MTUS2: variants seen among roughly 807,000 people sequenced by gnomAD.
MTUS2 encodes the protein microtubule associated scaffold protein 2, also known as microtubule-associated tumor suppressor candidate 2.
In MTUS2, 40 loss-of-function variants were observed where a neutral mutation model predicts 114.1. That is an observed-to-expected ratio of 0.35 (90% confidence interval 0.27 to 0.46). The LOEUF (loss-of-function observed/expected upper bound fraction) is 0.46, where lower values mean the gene tolerates loss of function less well. Ranked by LOEUF, MTUS2 falls within the 20% of genes least tolerant of loss-of-function variation. The probability of loss-of-function intolerance (pLI) is 1.00; values close to 1 mark genes in which losing one functional copy is unlikely to be tolerated. For synonymous variants in MTUS2, 688 were observed against 672.0 expected (o/e 1.02, Z -0.37); for missense variants, 1,679 against 1,705.4 (o/e 0.98, Z 0.27).
At chr13:29,077,203 G>A (rs1386695506) in intron 4 of MTUS2, among the ~76,000 whole-genome samples, 1 of 152,114 alleles carries the variant, frequency 6.6e-6, no homozygotes, top group Non-Finnish European at 1.5e-5. Flanking sequence ...ATACTACAGA[G>A]TTGTGTTTAA....
chr13:29,083,598 G>A (rs964444429), intron 4 of MTUS2, among the ~76,000 whole-genome samples: 2 of 152,138 alleles, frequency 1.3e-5, no homozygotes, highest in Admixed American at 6.5e-5. Context: ...GGCCTTACTG[G>A]GTAGCACTAT....
At chr13:29,152,715 CAG>C (rs1157341794) in intron 5 of MTUS2, among the ~76,000 whole-genome samples, 1 of 152,056 alleles carries the variant, frequency 6.6e-6, no homozygotes, top group Non-Finnish European at 1.5e-5. Flanking sequence ...AGAGAGAAAT[CAG>C]AGAGAGAGGG....
At chr13:29,427,709 A>G (rs567947305) in intron 8 of MTUS2, among the ~76,000 whole-genome samples, 2 of 152,214 alleles carry the variant, frequency 1.3e-5, no homozygotes, top group African/African-American at 2.4e-5. Flanking sequence ...CAGTTAAGTT[A>G]GTAAAATCAT....
intron 8 of MTUS2, among the ~76,000 whole-genome samples, chr13:29,416,823 A>AGGTTT (rs74276331): frequency 0.47 from 70,508 of 150,954 alleles, 18,995 homozygotes; most frequent in East Asian, 0.7. Flanking sequence ...TTTTGCCTAG[A>AGGTTT]GGTTTTGTTT....
chr13:29,293,317 A>G (rs916662189), intron 6 of MTUS2, among the ~76,000 whole-genome samples: 1 of 152,170 alleles, frequency 6.6e-6, no homozygotes, highest in African/African-American at 2.4e-5. Context: ...TAGAAGTACA[A>G]AGTGGTCAAT....
intron 2 of MTUS2, among the ~76,000 whole-genome samples, chr13:28,900,225 A>G (rs1272881777): frequency 6.6e-6 from 1 of 152,214 alleles, no homozygotes; most frequent in Non-Finnish European, 1.5e-5. Context: ...TTCTTTTAAC[A>G]ACGATTACAA....
In MTUS2 at chr13:29,025,345, C is replaced by T; in HGVS notation, c.647C>T (p.Pro216Leu). 1 of 1,613,736 alleles carries T rather than the reference C, an allele frequency of 6.2e-7. No individual in the cohort carries two copies. Among genetic ancestry groups the T allele is most frequent in the Non-Finnish European group, 8.5e-7 (1 of 1,179,856 alleles). Residue 216 changes from proline (P) to leucine (L), a missense_variant, in exon 3 of 16, where the codon CCA becomes CTA. Pro to Leu is a moderately conservative substitution (Grantham distance 98). Around this residue, in one of 3 missense-constraint regions of MTUS2, gnomAD observed 843 missense variants for 770.8 expected, o/e 1.09. Coordinates refer to ENST00000612955, the MANE Select transcript of MTUS2 (RefSeq NM_001033602.4). ...RGQIPGGGEG[P>L]QKTLPDHAVP... ...CAGATACCTGGGGGTGGGGAGGGGCCACAGAAGACATTGCCAGACCACGCT... is the reference window on the plus strand; with the variant it reads ...CAGATACCTGGGGGTGGGGAGGGGCTACAGAAGACATTGCCAGACCACGCT...
chr13:29,065,417 A>T (rs1342556289), intron 4 of MTUS2, among the ~76,000 whole-genome samples: 1 of 152,074 alleles, frequency 6.6e-6, no homozygotes, highest in African/African-American at 2.4e-5. Flanking sequence ...TGTTGACCTC[A>T]TGTATGCCTT....
chr13:29,468,934 T>TGGAAGGAA (rs1880075645), intron 9 of MTUS2, among the ~76,000 whole-genome samples: 1 of 152,208 alleles, frequency 6.6e-6, no homozygotes, highest in African/African-American at 2.4e-5. Context: ...GGGCCCATTT[T>TGGAAGGAA]GGAAGGAAAT....
chr13:29,025,898 T>C lies in MTUS2; in HGVS notation c.1200T>C (p.Ser400=). Residue 400 remains serine (S), a synonymous_variant, in exon 3 of 16, where the codon TCT becomes TCC. Transcript: ENST00000612955. ...DSLHTTPKQG[S]ASLGGADNQP... is the part of the protein sequence containing the mutation. ...TCCACACCACCCCCAAACAGGGCTC[T>C]GCTTCCTTAGGAGGGGCTGATAATC... is the stretch of plus-strand genomic sequence containing the variant. 6.2e-7 allele frequency: 1 copy of C among 1,613,644 alleles called. No homozygotes were observed. The highest frequency in any genetic ancestry group is 8.5e-7 in the Non-Finnish European group (1 of 1,179,684).
chr13:29,229,508 A>G (rs1455475251), intron 5 of MTUS2, among the ~76,000 whole-genome samples: 1 of 152,236 alleles, frequency 6.6e-6, no homozygotes, highest in African/African-American at 2.4e-5. Context: ...ATGGACCTCT[A>G]ATGTGTTTCA....
chr13:29,154,255 C>A (rs983619354), intron 5 of MTUS2, among the ~76,000 whole-genome samples: 24 of 152,168 alleles, frequency 1.6e-4, no homozygotes, highest in Admixed American at 6.5e-5. Flanking sequence ...GGATTTTCAT[C>A]ATGAACTATG....
At chr13:29,180,028 T>C (rs1893932224) in intron 5 of MTUS2, among the ~76,000 whole-genome samples, 1 of 152,248 alleles carries the variant, frequency 6.6e-6, no homozygotes, top group Non-Finnish European at 1.5e-5. Flanking sequence ...TTCTCACTGC[T>C]AAATTTGGTT....
chr13:29,104,034 C>T (rs183118514), intron 5 of MTUS2, among the ~76,000 whole-genome samples: 1 of 152,096 alleles, frequency 6.6e-6, no homozygotes, highest in East Asian at 1.9e-4. Flanking sequence ...CCATGCATCC[C>T]CCTGGACATG....
chr13:28,908,001 T>G (rs1169482735), intron 2 of MTUS2, among the ~76,000 whole-genome samples: 1 of 151,550 alleles, frequency 6.6e-6, no homozygotes, highest in Non-Finnish European at 1.5e-5. Context: ...TTTCTTTGTA[T>G]TTAGTTTTGA....
At chr13:29,498,614 G>A (rs957101855) in intron 14 of MTUS2, 77 bp downstream of exon 14, 11 of 1,580,290 alleles carry the variant, frequency 7.0e-6, no homozygotes, top group African/African-American at 1.3e-5. Context: ...CGTTGATGGT[G>A]TTCAGCCAGG....
intron 2 of MTUS2, among the ~76,000 whole-genome samples, chr13:28,926,543 C>T (rs1384028803): frequency 6.6e-6 from 1 of 152,088 alleles, no homozygotes; most frequent in Non-Finnish European, 1.5e-5. Context: ...AAGTAAATTC[C>T]CCGTCACGTT....
At chr13:29,033,073 A>G (rs970789703) in intron 3 of MTUS2, among the ~76,000 whole-genome samples, 1 of 152,244 alleles carries the variant, frequency 6.6e-6, no homozygotes, top group Non-Finnish European at 1.5e-5. Context: ...GGAGAAAGTG[A>G]CAGTAACGTT....
intron 8 of MTUS2, among the ~76,000 whole-genome samples, chr13:29,407,571 A>G (rs372176057): frequency 6.6e-6 from 1 of 151,600 alleles, no homozygotes; most frequent in Admixed American, 6.6e-5. Flanking sequence ...TCTGCCTCCC[A>G]GGTTCAAGGG....
Sources: allele counts gnomAD v4.1 joint callset (sites outside exome capture counted in the v4.1 genomes callset), GRCh38; gene constraint gnomAD v4.1.1; regional missense constraint gnomAD v4.1.1; transcripts MANE v1.5; gene names NCBI Gene and HGNC (gene_info 2026-07-23, HGNC 2026-07-21).